Variants in DSCAML1 observed in about 807,000 individuals in gnomAD.
DSCAML1 encodes the protein cell adhesion molecule DSCAML1.
DSCAML1 carries 38 observed loss-of-function variants against 200.5 expected under a neutral mutation model. The observed-to-expected ratio is 0.19, with a 90% CI of 0.15 to 0.25. The LOEUF is 0.25. Among genes scored for constraint, DSCAML1 ranks in the 10% least tolerant of loss-of-function variants. The probability of loss-of-function intolerance (pLI) is 1.00; values close to 1 mark genes in which losing one functional copy is unlikely to be tolerated. For synonymous variants in DSCAML1, 1,215 were observed against 1,165.0 expected, an observed-to-expected ratio of 1.04 and a Z score of -0.87; for missense variants, 2,223 against 2,858.8, an observed-to-expected ratio of 0.78 and a Z score of 5.07.
chr11:117,795,768 G>A (rs1022676489), intron 1 of DSCAML1, among the ~76,000 whole-genome samples: 1 of 152,162 alleles, frequency 6.6e-6, no homozygotes, highest in Non-Finnish European at 1.5e-5. Context: ...GCTCCGGCAG[G>A]CTGCAGACTC....
intron 3 of DSCAML1, among the ~76,000 whole-genome samples, chr11:117,559,866 G>T (rs1359763914): frequency 6.6e-6 from 1 of 152,156 alleles, no homozygotes; most frequent in African/African-American, 2.4e-5. Context: ...GCTGGCTGGG[G>T]TGAGAGGGAG....
intron 3 of DSCAML1, among the ~76,000 whole-genome samples, chr11:117,596,573 C>A (rs2051365464): frequency 6.6e-6 from 1 of 152,092 alleles, no homozygotes; most frequent in South Asian, 2.1e-4. Context: ...ATAATCAGCA[C>A]GTCCCTCATT....
chr11:117,524,687 C>A, intron 5 of DSCAML1, 118 bp downstream of exon 5: 1 of 1,296,866 alleles, frequency 7.7e-7, no homozygotes, highest in Non-Finnish European at 1.0e-6. Flanking sequence ...CCCAGTCAGC[C>A]AGGGTTATTC....
At chr11:117,479,736 C>T (rs2137207913) in intron 14 of DSCAML1, among the ~76,000 whole-genome samples, 1 of 152,280 alleles carries the variant, frequency 6.6e-6, no homozygotes, top group South Asian at 2.1e-4. Context: ...GCAACCTCCG[C>T]CTCATGGGTT....
chr11:117,783,760 C>A (rs1165062513), intron 1 of DSCAML1, among the ~76,000 whole-genome samples: 2 of 152,146 alleles, frequency 1.3e-5, no homozygotes, highest in Admixed American at 1.3e-4. Flanking sequence ...GCAGAAACCC[C>A]ATGGAAGACA....
chr11:117,774,362 C>T (rs1000023642), intron 3 of DSCAML1, among the ~76,000 whole-genome samples: 3 of 152,120 alleles, frequency 2.0e-5, no homozygotes, highest in South Asian at 4.2e-4. Flanking sequence ...TGCAGCAAAC[C>T]GCAAGCGCAA....
intron 3 of DSCAML1, among the ~76,000 whole-genome samples, chr11:117,540,850 T>TAA (rs59735481): frequency 1.3e-5 from 2 of 151,920 alleles, no homozygotes; most frequent in African/African-American, 2.4e-5. Context: ...GTAATAATAA[T>TAA]AAAAAAAGTT....
At chr11:117,754,123 T>C (rs1190597203) in intron 3 of DSCAML1, among the ~76,000 whole-genome samples, 6 of 152,064 alleles carry the variant, frequency 3.9e-5, no homozygotes. Flanking sequence ...AAGCCTGGAA[T>C]GGGGAGGGGG....
chr11:117,731,287 G>T (rs1003753333), intron 3 of DSCAML1, among the ~76,000 whole-genome samples: 1 of 152,108 alleles, frequency 6.6e-6, no homozygotes, highest in Non-Finnish European at 1.5e-5. Context: ...GCAGCCCTCT[G>T]GTTCACCTGA....
At position 117,788,123 on chromosome 11, in the gene DSCAML1, CCAGACAGCATCAGAGCATGTACCAGG is replaced by C. The variant is rs2055394394; in HGVS notation, c.47-7339_47-7314del. ...ACTGGCAAGGAGAGGGTTGAGTTTCCCAGACAGCATCAGAGCATGTACCAGGCAGCCTGAGCTGGTATGGTCCTTGG... is the reference window on the plus strand; with the variant it reads ...ACTGGCAAGGAGAGGGTTGAGTTTCCCAGCCTGAGCTGGTATGGTCCTTGG... On this transcript the variant is annotated intron_variant, in intron 1 of 32. Coordinates refer to ENST00000651296, the MANE Select transcript of DSCAML1 (RefSeq NM_020693.4). Among the ~76,000 whole-genome samples the C allele has an allele frequency of 3.3e-5, 5 of 152,244 alleles. No individual in the cohort carries two copies. In the South Asian group the frequency reaches 1.0e-3, roughly 32 times the overall value.
At chr11:117,447,676 G>T (rs1354303088) in intron 20 of DSCAML1, among the ~76,000 whole-genome samples, 2 of 152,188 alleles carry the variant, frequency 1.3e-5, no homozygotes, top group African/African-American at 4.8e-5. Flanking sequence ...AGCTTCCCTA[G>T]AGCCAAGGCC....
At position 117,505,049 on chromosome 11, in the gene DSCAML1, G is replaced by C; in HGVS notation, c.2063-6C>G. 1 of 1,608,514 alleles carries C rather than the reference G, an allele frequency of 6.2e-7. No homozygotes were observed. The highest frequency in any genetic ancestry group is 8.5e-7 in the Non-Finnish European group (1 of 1,177,066). On this transcript the variant is annotated splice_region_variant and splice_polypyrimidine_tract_variant and intron_variant, in intron 9 of 32. Coordinates refer to ENST00000651296, the MANE Select transcript of DSCAML1 (RefSeq NM_020693.4). This position sits in a 1 kb window ranked among gnomAD's most constrained non-coding sequence, Gnocchi z 6.7. ...CACCACAAATCGAGGGGGCACTGCA[G>C]AAAGAGGGAAGGTAGGGAAACAGAC...
At chr11:117,543,334 C>A (rs185452402) in intron 3 of DSCAML1, among the ~76,000 whole-genome samples, 1 of 152,172 alleles carries the variant, frequency 6.6e-6, no homozygotes, top group Admixed American at 6.5e-5. Context: ...TGAACCTGTG[C>A]TCGTGTGTGT....
At chr11:117,745,813 C>T (rs1028089045) in intron 3 of DSCAML1, among the ~76,000 whole-genome samples, 4 of 152,184 alleles carry the variant, frequency 2.6e-5, no homozygotes, top group African/African-American at 7.2e-5. Context: ...TTGACATCTC[C>T]GTGCCTCAAT....
intron 3 of DSCAML1, among the ~76,000 whole-genome samples, chr11:117,746,790 T>G (rs1275176551): frequency 6.6e-6 from 1 of 152,154 alleles, no homozygotes; most frequent in Non-Finnish European, 1.5e-5. Flanking sequence ...TGGCTTAGAA[T>G]GGCTCTCCAG....
chr11:117,482,152 C>T lies in DSCAML1; in HGVS notation c.2370G>A (p.Met790Ile), dbSNP rs2048939320. The T allele has an allele frequency of 6.2e-7, 1 of 1,613,940 alleles. No homozygotes were observed. Among genetic ancestry groups the T allele is most frequent in the Non-Finnish European group, 8.5e-7 (1 of 1,179,968 alleles). Reference protein sequence around the residue: ...SMFLTVKIPAMITSHPNTTIA... With the variant: ...SMFLTVKIPAIITSHPNTTIA... Reference sequence around the variant, plus strand: ...TGGTGGTGTTGGGGTGGGAAGTGATCATGGCCGGGACTGGGGGGCGGAGGC... The same window carrying T: ...TGGTGGTGTTGGGGTGGGAAGTGATTATGGCCGGGACTGGGGGGCGGAGGC... The change falls in exon 12 of 33, where the codon ATG (methionine) becomes ATA (isoleucine). Residue 790 changes from methionine to isoleucine, a missense_variant. This residue lies in a region of DSCAML1 where 438 missense variants were observed against 629.7 expected (regional missense o/e 0.70). Transcript: ENST00000651296.
intron 3 of DSCAML1, among the ~76,000 whole-genome samples, chr11:117,640,878 T>G (rs1389876397): frequency 6.6e-6 from 1 of 152,190 alleles, no homozygotes; most frequent in Non-Finnish European, 1.5e-5. Context: ...TGAGATGAGA[T>G]TTGTTCCCTG....
intron 19 of DSCAML1, among the ~76,000 whole-genome samples, chr11:117,452,304 A>T (rs150170636): frequency 3.3e-5 from 5 of 152,228 alleles, no homozygotes; most frequent in Admixed American, 6.5e-5. Context: ...TATTGAGTAC[A>T]TTCAAATTTA....
At chr11:117,587,984 C>T (rs973241536) in intron 3 of DSCAML1, among the ~76,000 whole-genome samples, 1 of 152,148 alleles carries the variant, frequency 6.6e-6, no homozygotes, top group African/African-American at 2.4e-5. Context: ...GCATAACCCA[C>T]GACCACTGGC....
Sources: gnomAD v4.1 joint callset for allele counts (sites outside exome capture counted in the v4.1 genomes callset) on GRCh38, gnomAD v4.1.1 for gene constraint, gnomAD v4.1.1 regional missense constraint, Gnocchi (gnomAD v3.1) non-coding constraint, MANE v1.5 for transcripts, NCBI Gene and HGNC (gene_info 2026-07-23, HGNC 2026-07-21) for gene names.